Variants in SLC45A1 observed in about 807,000 individuals in gnomAD.
SLC45A1 encodes solute carrier family 45 member 1.
A neutral mutation model predicts 57.6 loss-of-function variants in SLC45A1; 28 were observed. The ratio of observed to expected loss-of-function variants is 0.49; its 90% CI spans 0.36 to 0.67. SLC45A1 has a LOEUF of 0.67. SLC45A1 is among the 30% of genes least tolerant of loss of function. The pLI, the probability that SLC45A1 is intolerant of heterozygous loss-of-function variation, is 0.00. For missense variants in SLC45A1, 814 were observed against 1,041.5 expected, an observed-to-expected ratio of 0.78 and a Z score of 3.01; for synonymous variants, 459 against 471.5, an observed-to-expected ratio of 0.97 and a Z score of 0.34.
At position 8,325,026 on chromosome 1, in the gene SLC45A1, T is replaced by A. The variant is rs1464417627; in HGVS notation, c.398-272T>A. On this transcript the variant is annotated intron_variant, in intron 2 of 8. Transcript: ENST00000471889. The surrounding 1 kb of genome is among the most constrained non-coding windows in gnomAD (Gnocchi z 6.3). ...CTTGGTGTCATGTGAGCCTGGAAGG[T>A]CCTGAAATTTCTTGGATTCCCAAGG... Among the ~76,000 whole-genome samples, 1 of 152,130 alleles carries A rather than the reference T, an allele frequency of 6.6e-6. No homozygotes were observed. Among genetic ancestry groups the A allele is most frequent in the East Asian group, 1.9e-4 (1 of 5,190 alleles).
At chr1:8,331,976 T>C (rs1417993960) in intron 5 of SLC45A1, among the ~76,000 whole-genome samples, 3 of 152,138 alleles carry the variant, frequency 2.0e-5, no homozygotes, top group Non-Finnish European at 2.9e-5. Context: ...GTATTTTTAG[T>C]AGAGACGGGG....
At chr1:8,333,662 T>G (rs1640495387) in intron 5 of SLC45A1, among the ~76,000 whole-genome samples, 1 of 152,274 alleles carries the variant, frequency 6.6e-6, no homozygotes, top group Non-Finnish European at 1.5e-5. Context: ...CTTGAACTCC[T>G]GGGCTCAAGC....
chr1:8,325,378 GTCC>G lies in SLC45A1; in HGVS notation c.480_482del (p.Leu161del). 6.2e-7 allele frequency: 1 copy of G among 1,609,748 alleles called. No homozygotes were observed. The highest frequency in any genetic ancestry group is 8.5e-7 in the Non-Finnish European group (1 of 1,176,552). ...TGGAAGGAGACGCCCTTTCATTCTT[GTCC>G]TGGCTATAGGTCTGTTGTTTTGGCA... is the stretch of plus-strand genomic sequence containing the variant. On this transcript the variant is annotated inframe_deletion, in exon 3 of 9. Coordinates refer to ENST00000471889, the MANE Select transcript of SLC45A1 (RefSeq NM_001080397.3). The surrounding 1 kb of genome is among the most constrained non-coding windows in gnomAD (Gnocchi z 6.3).
At position 8,343,775 on chromosome 1, in the gene SLC45A1, G is replaced by A. The variant is rs116783930; in HGVS notation, c.2009G>A (p.Arg670Gln). The A allele has an allele frequency of 1.5e-4, 237 of 1,613,712 alleles. No individual in the cohort carries two copies. In the African/African-American group the frequency reaches 2.1e-3, roughly 14 times the overall value. Residue 670 changes from arginine (R) to glutamine (Q), a missense_variant, in exon 9 of 9, where the codon CGG (arginine) becomes CAG (glutamine). Coordinates refer to ENST00000471889, the MANE Select transcript of SLC45A1 (RefSeq NM_001080397.3). The surrounding 1 kb of genome is among the most constrained non-coding windows in gnomAD (Gnocchi z 7.7). The stretch of plus-strand genomic sequence containing the variant: ...GCAGGGTCCAGTGCGGACGGCACCC[G>A]GCGGGGCATGGGCGTGGACATCTCT... ...KFAGSSADGT[R>Q]RGMGVDISLL... is the part of the protein sequence containing the mutation.
At chr1:8,342,106 C>T (rs1165430977) in intron 8 of SLC45A1, among the ~76,000 whole-genome samples, 2 of 152,006 alleles carry the variant, frequency 1.3e-5, no homozygotes, top group Non-Finnish European at 2.9e-5. Context: ...ACTCTGGAGG[C>T]TGAGGCAGAA....
rs1440380337 is a variant in SLC45A1 at position 8,325,867 on chromosome 1, C to T, written c.540C>T (p.Ile180=). 6.2e-6 allele frequency: 10 copies of T among 1,613,820 alleles called. No individual in the cohort carries two copies. The Admixed American group carries it at 6.7e-5, about 11-fold the overall frequency. Residue 180 remains isoleucine, a synonymous_variant, in exon 4 of 9, where the codon ATC becomes ATT. Transcript: ENST00000471889. The surrounding 1 kb of genome is among the most constrained non-coding windows in gnomAD (Gnocchi z 6.3). ...SLLLNGRDIG[I]ALADVTGNHK... ...TGCTGAATGGCCGGGACATTGGCAT[C>T]GCCCTGGCTGACGTGACCGGGAACC... is the stretch of plus-strand genomic sequence containing the variant.
chr1:8,330,683 G>A lies in SLC45A1; in HGVS notation c.1190G>A (p.Arg397Lys), dbSNP rs1004912560. ...CTGGCCATCCCTGGCAGCGTCCCCAGGCCGCCCATCAGCGTCAGCTTCCCC... is the reference window on the plus strand; with the variant it reads ...CTGGCCATCCCTGGCAGCGTCCCCAAGCCGCCCATCAGCGTCAGCTTCCCC... ...SYLAIPGSVP[R>K]PPISVSFPRA... The change falls in exon 5 of 9, where the codon AGG (arginine) becomes AAG (lysine). Residue 397 changes from arginine to lysine, a missense_variant. By Grantham distance (26) the Arg-to-Lys change is conservative. Transcript: ENST00000471889. The surrounding 1 kb of genome is among the most constrained non-coding windows in gnomAD (Gnocchi z 8.4). 6.2e-7 allele frequency: 1 copy of A among 1,613,150 alleles called. No individual in the cohort carries two copies. The highest frequency in any genetic ancestry group is 1.3e-5 in the African/African-American group (1 of 74,944).
Position 8,324,390 on chromosome 1 carries a change from C to G in SLC45A1, c.61C>G (p.Gln21Glu). The G allele has an allele frequency of 6.2e-7, 1 of 1,612,828 alleles. No homozygotes were observed. The highest frequency in any genetic ancestry group is 8.5e-7 in the Non-Finnish European group (1 of 1,179,980). ...GDALFPSVAP[Q>E]DFWRSQVTGY... is the part of the protein sequence containing the mutation. ...TGCCCTCTTCCCCAGCGTGGCCCCA[C>G]AGGACTTCTGGAGGTCCCAGGTCAC... is the stretch of plus-strand genomic sequence containing the variant. Residue 21 changes from glutamine (Q) to glutamate (E), a missense_variant, in exon 2 of 9, where the codon CAG becomes GAG. Transcript: ENST00000471889.
chr1:8,330,350 T>G lies in SLC45A1; in HGVS notation c.857T>G (p.Val286Gly). Residue 286 changes from valine to glycine, a missense_variant, in exon 5 of 9, where the codon GTC (valine) becomes GGC (glycine). Physicochemically the swap from Val to Gly is moderately radical, Grantham distance 109 (BLOSUM62 -3). Coordinates refer to ENST00000471889, the MANE Select transcript of SLC45A1 (RefSeq NM_001080397.3). This position sits in a 1 kb window ranked among gnomAD's most constrained non-coding sequence, Gnocchi z 8.4. ...TLSVTTVLTLVSIPERPLRPP... is the reference protein window; with the variant it reads ...TLSVTTVLTLGSIPERPLRPP... ...AGCGTCACCACCGTCCTGACCCTGG[T>G]CAGCATCCCTGAGAGGCCGCTGCGG... is the stretch of plus-strand genomic sequence containing the variant. The G allele has an allele frequency of 1.9e-6, 3 of 1,613,462 alleles. No homozygotes were observed. Among genetic ancestry groups the G allele is most frequent in the Non-Finnish European group, 2.5e-6 (3 of 1,179,998 alleles).
chr1:8,329,653 C>T (rs1356204189), intron 4 of SLC45A1, among the ~76,000 whole-genome samples: 1 of 152,240 alleles, frequency 6.6e-6, no homozygotes, highest in Non-Finnish European at 1.5e-5. Flanking sequence ...CAGCAGTGAT[C>T]CGATCCCTGC....
intron 1 of SLC45A1, among the ~76,000 whole-genome samples, chr1:8,322,652 G>T (rs1459499985): frequency 6.6e-6 from 1 of 152,144 alleles, no homozygotes; most frequent in African/African-American, 2.4e-5. Flanking sequence ...GGTATGGTAA[G>T]TTAATGTCAG....
rs546778085 is a variant in SLC45A1, at chr1:8,335,684, A to G, written c.1597+94A>G. 8.0e-6 allele frequency: 11 copies of G among 1,382,404 alleles called. No individual in the cohort carries two copies. The African/African-American group carries it at 1.6e-4, about 20-fold the overall frequency. 85.6% of individuals were successfully genotyped at this position (1,382,404 alleles called of 1,614,324 possible). A position where few individuals can be genotyped will look rare whatever the true frequency, so the allele number is the denominator to read the frequency against. ...AGGATGCCCCTGAGCCTCCCTTCCCAGAACCTTTCTGAGTTCACCAGCCCC... is the reference window on the plus strand; with the variant it reads ...AGGATGCCCCTGAGCCTCCCTTCCCGGAACCTTTCTGAGTTCACCAGCCCC... On this transcript the variant is annotated intron_variant, in intron 6 of 8. Transcript: ENST00000471889. The surrounding 1 kb of genome is among the most constrained non-coding windows in gnomAD (Gnocchi z 4.1).
At chr1:8,324,221 TA>T in intron 1 of SLC45A1, 84 bp from the exon 2 acceptor site, 5 of 1,257,210 alleles carry the variant, frequency 4.0e-6, no homozygotes, top group Non-Finnish European at 5.6e-6. Context: ...TGTTTGACTC[TA>T]AATTCTGCAG....
chr1:8,339,298 C>T (rs184488869), intron 7 of SLC45A1, among the ~76,000 whole-genome samples, 195 bp from the exon 8 acceptor site: 67 of 152,340 alleles, frequency 4.4e-4, no homozygotes, highest in Non-Finnish European at 8.1e-4. Flanking sequence ...TCCTGGGCAC[C>T]CACCAGAATT....
At chr1:8,324,234 G>A in intron 1 of SLC45A1, 72 bp from the exon 2 acceptor site, 1 of 1,356,084 alleles carries the variant, frequency 7.4e-7, no homozygotes, top group Non-Finnish European at 1.0e-6. Flanking sequence ...ATTCTGCAGT[G>A]TGAACTCAAA....
At position 8,326,182 on chromosome 1, in the gene SLC45A1, T is replaced by A; in HGVS notation, c.715+140T>A. On this transcript the variant is annotated intron_variant, in intron 4 of 8. Transcript: ENST00000471889. The surrounding 1 kb of genome is among the most constrained non-coding windows in gnomAD (Gnocchi z 5.5). ...ATACATGGAGAAACACTGAAGTGAT[T>A]GAAAATACATATCTCACACAACACA... is the stretch of plus-strand genomic sequence containing the variant. The A allele has an allele frequency of 1.5e-6, 1 of 653,710 alleles. No individual in the cohort carries two copies. Among genetic ancestry groups the A allele is most frequent in the Non-Finnish European group, 2.6e-6 (1 of 380,830 alleles). The allele number at this position is 653,710 out of a possible 1,614,324, so 40.5% of individuals were successfully genotyped here. A position where few individuals can be genotyped will look rare whatever the true frequency, so the allele number is the denominator to read the frequency against.
chr1:8,324,504 T>TGCCCCCCCCCCCCCCCCCACAC lies in SLC45A1; in HGVS notation c.175_176insGCCCCCCCCCCCCCCCCCACAC (p.Ser59CysfsTer20). 1 of 1,528,696 alleles carries TGCCCCCCCCCCCCCCCCCACAC rather than the reference T, an allele frequency of 6.5e-7. No homozygotes were observed. The highest frequency in any genetic ancestry group is 9.0e-7 in the Non-Finnish European group (1 of 1,108,770). 94.7% of individuals were successfully genotyped at this position (1,528,696 alleles called of 1,614,324 possible). ...CAAGAGGAGGAAGTGCATTCGTCCC[T>TGCCCCCCCCCCCCCCCCCACAC]CCCCACCCCCGCCCCCCAACACCCC... On this transcript the variant is annotated frameshift_variant, in exon 2 of 9. Coordinates refer to ENST00000471889, the MANE Select transcript of SLC45A1 (RefSeq NM_001080397.3). LOFTEE classifies it high-confidence loss of function.
At chr1:8,319,841 G>A (rs1175546832) in intron 1 of SLC45A1, among the ~76,000 whole-genome samples, 1 of 151,812 alleles carries the variant, frequency 6.6e-6, no homozygotes. Flanking sequence ...CTCAGCCTCC[G>A]GAGTAGCTGG....
rs777324839 is a variant in SLC45A1 at position 8,343,768 on chromosome 1, G to A, written c.2002G>A (p.Gly668Ser). 11 of 1,613,398 alleles carry A rather than the reference G, an allele frequency of 6.8e-6. No homozygotes were observed. The African/African-American group carries it at 8.0e-5, about 12-fold the overall frequency. The part of the protein sequence containing the change: ...SKKFAGSSAD[G>S]TRRGMGVDIS... The stretch of plus-strand genomic sequence containing the variant: ...TCAGTTTGCAGGGTCCAGTGCGGAC[G>A]GCACCCGGCGGGGCATGGGCGTGGA... Residue 668 changes from glycine to serine, a missense_variant, in exon 9 of 9, where the codon GGC becomes AGC. Transcript: ENST00000471889. The surrounding 1 kb of genome is among the most constrained non-coding windows in gnomAD (Gnocchi z 7.7).
Sources: allele counts gnomAD v4.1 joint callset (sites outside exome capture counted in the v4.1 genomes callset), GRCh38; gene constraint gnomAD v4.1.1; non-coding constraint Gnocchi (gnomAD v3.1); transcripts MANE v1.5; gene names NCBI Gene and HGNC (gene_info 2026-07-23, HGNC 2026-07-21).